Variants in GAS7 observed in about 807,000 individuals in gnomAD.
GAS7 encodes growth arrest specific 7, also known as growth arrest-specific protein 7.
Under a neutral mutation model 71.1 loss-of-function variants are expected in GAS7, and 28 were observed. That is an observed-to-expected ratio of 0.39 (90% confidence interval 0.29 to 0.54). The LOEUF is 0.54. Ranked by LOEUF, GAS7 falls within the 20% of genes least tolerant of loss-of-function variation. The probability of loss-of-function intolerance (pLI) is 0.62; values close to 1 mark genes in which losing one functional copy is unlikely to be tolerated. For synonymous variants in GAS7, 258 were observed against 245.8 expected, an observed-to-expected ratio of 1.05 and a Z score of -0.46; for missense variants, 436 against 627.8, an observed-to-expected ratio of 0.69 and a Z score of 3.27.
intron 9 of GAS7, among the ~76,000 whole-genome samples, chr17:9,930,264 T>G (rs2068162146): frequency 6.6e-6 from 1 of 152,254 alleles, no homozygotes; most frequent in African/African-American, 2.4e-5. Flanking sequence ...AGACAGGTTC[T>G]GAATGCTCAC....
intron 1 of GAS7, among the ~76,000 whole-genome samples, chr17:10,153,226 G>A (rs1024078110): frequency 7.8e-4 from 20 of 25,732 alleles, no homozygotes; most frequent in African/African-American, 5.4e-3. Context: ...AAAACACTGG[G>A]CGTGGTGGCT....
chr17:10,120,850 G>A (rs1336152367), intron 1 of GAS7, among the ~76,000 whole-genome samples: 2 of 152,224 alleles, frequency 1.3e-5, no homozygotes, highest in African/African-American at 2.4e-5. Context: ...GGGAGGGAGG[G>A]TGGAGAACGG....
intron 1 of GAS7, among the ~76,000 whole-genome samples, chr17:10,066,774 T>A (rs1021309897): frequency 6.6e-6 from 1 of 152,164 alleles, no homozygotes; most frequent in East Asian, 1.9e-4. Context: ...TCTGCTTGGA[T>A]TGGCTCCTGG....
At chr17:10,005,944 G>A (rs1169930909) in intron 2 of GAS7, among the ~76,000 whole-genome samples, 1 of 152,182 alleles carries the variant, frequency 6.6e-6, no homozygotes, top group Non-Finnish European at 1.5e-5. Context: ...CAGTGGACCT[G>A]TACTTCCTTT....
chr17:9,930,177 T>C (rs2068158706), intron 9 of GAS7, among the ~76,000 whole-genome samples: 1 of 152,236 alleles, frequency 6.6e-6, no homozygotes. Context: ...GGAGGATAAA[T>C]ACTGTTTTAT....
chr17:10,062,386 G>A (rs2073229443), intron 1 of GAS7, among the ~76,000 whole-genome samples: 1 of 152,220 alleles, frequency 6.6e-6, no homozygotes, highest in Non-Finnish European at 1.5e-5. Context: ...TCAGGAGGCT[G>A]AGACATGAGA....
At chr17:10,037,943 T>C (rs1275995854) in intron 1 of GAS7, among the ~76,000 whole-genome samples, 1 of 151,782 alleles carries the variant, frequency 6.6e-6, no homozygotes, top group Non-Finnish European at 1.5e-5. Flanking sequence ...CCAAAGAAGA[T>C]ATAAAAATGA....
At chr17:10,136,761 G>A (rs569533041) in intron 1 of GAS7, among the ~76,000 whole-genome samples, 19 of 152,126 alleles carry the variant, frequency 1.2e-4, no homozygotes, top group African/African-American at 4.3e-4. Flanking sequence ...TTCCCTTCAC[G>A]CTTAGAAAAA....
chr17:10,154,322 G>T (rs76645771), intron 1 of GAS7, among the ~76,000 whole-genome samples: 2,115 of 152,132 alleles, frequency 0.014, 49 homozygotes, highest in African/African-American at 0.049. Flanking sequence ...AACATAGAGA[G>T]ACCTTGTCTC....
At chr17:10,077,127 T>C (rs1424809903) in intron 1 of GAS7, among the ~76,000 whole-genome samples, 1 of 152,252 alleles carries the variant, frequency 6.6e-6, no homozygotes, top group East Asian at 1.9e-4. Flanking sequence ...TTTCTCATGT[T>C]AATCTGCCTG....
chr17:10,089,031 G>A (rs2073552389), intron 1 of GAS7, among the ~76,000 whole-genome samples: 1 of 151,858 alleles, frequency 6.6e-6, no homozygotes. Flanking sequence ...CATGGTGGCA[G>A]GTGCCTGTAA....
chr17:9,940,105 A>C (rs748403850), intron 8 of GAS7, 21 bp downstream of exon 8: 2 of 1,378,684 alleles, frequency 1.5e-6, no homozygotes, highest in Non-Finnish European at 2.1e-6. Context: ...CCCCACTCCC[A>C]CCTCTCTCCT....
chr17:9,938,884 T>C (rs1472341543), intron 8 of GAS7, among the ~76,000 whole-genome samples: 1 of 152,232 alleles, frequency 6.6e-6, no homozygotes, highest in African/African-American at 2.4e-5. Flanking sequence ...TGAGACCTTT[T>C]GTGCCTGGCT....
chr17:10,122,102 A>C (rs1160660422), intron 1 of GAS7, among the ~76,000 whole-genome samples: 1 of 152,192 alleles, frequency 6.6e-6, no homozygotes, highest in Non-Finnish European at 1.5e-5. Flanking sequence ...CGAGATGTAA[A>C]CAGAGGGAGG....
intron 1 of GAS7, among the ~76,000 whole-genome samples, chr17:10,180,975 T>C (rs774878247): frequency 1.7e-4 from 25 of 149,824 alleles, no homozygotes; most frequent in Non-Finnish European, 3.3e-4. Context: ...GATTCCACAA[T>C]GTAGTGGGTG....
intron 6 of GAS7, among the ~76,000 whole-genome samples, chr17:9,943,936 T>C (rs1039788321): frequency 6.6e-6 from 1 of 152,228 alleles, no homozygotes; most frequent in African/African-American, 2.4e-5. Context: ...GACCTATGTA[T>C]ATATCTGAGC....
At chr17:10,181,095 C>T (rs1002957575) in intron 1 of GAS7, among the ~76,000 whole-genome samples, 4 of 150,196 alleles carry the variant, frequency 2.7e-5, no homozygotes, top group South Asian at 2.1e-4. Flanking sequence ...GGCACGGTGG[C>T]TCACGCCTGT....
At chr17:9,925,427 C>T in intron 11 of GAS7, 49 bp downstream of exon 11, 2 of 1,599,656 alleles carry the variant, frequency 1.3e-6, no homozygotes, top group Admixed American at 1.7e-5. Flanking sequence ...GCCCCGTGCC[C>T]TCTCCTTCTG....
chr17:10,190,694 T>TG (rs2074491834), intron 1 of GAS7, among the ~76,000 whole-genome samples: 1 of 151,452 alleles, frequency 6.6e-6, no homozygotes, highest in Non-Finnish European at 1.5e-5. Context: ...GGGAACTTGG[T>TG]GGACAGATGG....
Sources: gnomAD v4.1 joint callset for allele counts (sites outside exome capture counted in the v4.1 genomes callset) on GRCh38, gnomAD v4.1.1 for gene constraint, MANE v1.5 for transcripts, NCBI Gene and HGNC (gene_info 2026-07-23, HGNC 2026-07-21) for gene names.